TET3: variants seen among roughly 807,000 people sequenced by gnomAD.
TET3 encodes the protein tet methylcytosine dioxygenase 3.
Under a neutral mutation model 141.4 loss-of-function variants are expected in TET3, and 19 were observed. The observed-to-expected ratio is 0.13, with a 90% CI of 0.09 to 0.20. The LOEUF (loss-of-function observed/expected upper bound fraction) is 0.20. Ranked by LOEUF, TET3 falls within the 10% of genes least tolerant of loss-of-function variation. The pLI, the probability that TET3 is intolerant of heterozygous loss-of-function variation, is 1.00. For synonymous variants in TET3, 1,043 were observed against 980.9 expected (o/e 1.06, Z -1.18); for missense variants, 1,874 against 2,356.9 (o/e 0.80, Z 4.24).
At chr2:74,129,580 A>C in the TET3 span, among the ~76,000 whole-genome samples, 25 of 152,018 alleles carry the variant, frequency 1.6e-4, no homozygotes, top group African/African-American at 6.0e-4. Context: ...ATAGTGAGCC[A>C]AGATCGCACC....
chr2:74,052,392 C>T (rs1483300881), intron 4 of TET3, among the ~76,000 whole-genome samples: 1 of 152,090 alleles, frequency 6.6e-6, no homozygotes, highest in African/African-American at 2.4e-5. Context: ...TCCCATACTC[C>T]AGAAATTCAT....
chr2:74,100,883 GGA>G lies in TET3; in HGVS notation c.4097_4098del (p.Glu1366ValfsTer42). The part of the protein sequence containing the change: ...HQQPAYPGPK[E>X]YLLPKAPLLH... ...AGCAGCCTGCGTACCCAGGCCCCAA[GGA>G]GTATCTGCTTCCCAAGGCCCCCCTA... On this transcript the variant is annotated frameshift_variant, in exon 12 of 12. Coordinates refer to ENST00000409262, the MANE Select transcript of TET3 (RefSeq NM_001287491.2). LOFTEE classifies it high-confidence loss of function. 1 of 1,610,450 alleles carries G rather than the reference GGA, an allele frequency of 6.2e-7. No individual in the cohort carries two copies. Among genetic ancestry groups the G allele is most frequent in the Non-Finnish European group, 8.5e-7 (1 of 1,178,488 alleles).
chr2:74,073,961 T>G, intron 5 of TET3: 1 of 186,530 alleles, frequency 5.4e-6, no homozygotes, highest in Non-Finnish European at 1.1e-5. Context: ...TGTGGTATCA[T>G]TAAAAGTGTT....
intron 5 of TET3, among the ~76,000 whole-genome samples, chr2:74,074,872 T>G (rs913017920): frequency 1.5e-5 from 2 of 136,378 alleles, no homozygotes. Flanking sequence ...TTTGTTTGTT[T>G]GTTTTGTTTG....
At chr2:74,053,846 C>T (rs1452559325) in intron 4 of TET3, among the ~76,000 whole-genome samples, 1 of 152,142 alleles carries the variant, frequency 6.6e-6, no homozygotes, top group African/African-American at 2.4e-5. Context: ...ACCCCCCACC[C>T]CACTGCATTG....
intron 4 of TET3, among the ~76,000 whole-genome samples, chr2:74,058,054 G>C (rs1489694801): frequency 1.3e-5 from 2 of 152,074 alleles, no homozygotes; most frequent in Non-Finnish European, 1.5e-5. Flanking sequence ...TGAAAGATGA[G>C]GTGCTAAGTT....
Position 74,005,022 on chromosome 2 carries a change from C to G in TET3, c.360+1856C>G, listed in dbSNP as rs1685078606. ...AGCCTTGTCAGCCTAGAGCTTCCCT[C>G]TCTGCTGGGAGAAAGGACGGGCTGG... On this transcript the variant is annotated intron_variant, in intron 3 of 11. Coordinates refer to ENST00000409262, the MANE Select transcript of TET3 (RefSeq NM_001287491.2). Among the ~76,000 whole-genome samples the G allele has an allele frequency of 2.6e-5, 4 of 152,310 alleles. 1 individual carries two copies. In the South Asian group the frequency reaches 8.3e-4, roughly 32 times the overall value.
intron 3 of TET3, among the ~76,000 whole-genome samples, chr2:74,041,146 C>T (rs1182055118): frequency 2.0e-5 from 3 of 152,156 alleles, no homozygotes; most frequent in African/African-American, 7.2e-5. Flanking sequence ...GGACTGGTTT[C>T]AGTGCATTTT....
intron 5 of TET3, among the ~76,000 whole-genome samples, chr2:74,074,687 G>C (rs1196357229): frequency 1.3e-5 from 2 of 152,198 alleles, no homozygotes; most frequent in African/African-American, 4.8e-5. Flanking sequence ...GCAAAATAGA[G>C]ATGCTGATAA....
In TET3 at chr2:74,000,707, G is replaced by A. The variant is rs536065721; in HGVS notation, c.304-2403G>A. On this transcript the variant is annotated intron_variant, in intron 2 of 11. Coordinates refer to ENST00000409262, the MANE Select transcript of TET3 (RefSeq NM_001287491.2). ...CAGACAGAACTTAGAGAATTGGAAA[G>A]AGAAGGACCTAGATTTGAATTCTAG... Among the ~76,000 whole-genome samples, 5 of 152,298 alleles carry A rather than the reference G, an allele frequency of 3.3e-5. No homozygotes were observed. In the South Asian group the frequency reaches 8.3e-4, roughly 25 times the overall value.
chr2:74,037,951 G>A lies in TET3; in HGVS notation c.361-8327G>A, dbSNP rs1386571132. Among the ~76,000 whole-genome samples, 7 of 152,220 alleles carry A rather than the reference G, an allele frequency of 4.6e-5. No individual in the cohort carries two copies. In the East Asian group the frequency reaches 1.3e-3, roughly 29 times the overall value. ...GTGTTGTTGACTGAACGAGGTGTTT[G>A]GGGAGTGGCGTTCCACACTTTTCCA... On this transcript the variant is annotated intron_variant, in intron 3 of 11. Coordinates refer to ENST00000409262, the MANE Select transcript of TET3 (RefSeq NM_001287491.2).
rs1573892799 is a variant in TET3, at chr2:74,088,005, A to G, written c.2855A>G (p.Asn952Ser). 1 of 1,562,760 alleles carries G rather than the reference A, an allele frequency of 6.4e-7. No homozygotes were observed. Residue 952 changes from asparagine (N) to serine (S), a missense_variant, in exon 7 of 12, where the codon AAC (asparagine) becomes AGC (serine). Coordinates refer to ENST00000409262, the MANE Select transcript of TET3 (RefSeq NM_001287491.2). The stretch of plus-strand genomic sequence containing the variant: ...ACCGACACCCTCCGGAAGTATGGGA[A>G]CCCCACCAGCCGGAGATGCGGCCTC... ...ELTDTLRKYG[N>S]PTSRRCGLND...
intron 3 of TET3, among the ~76,000 whole-genome samples, chr2:74,019,260 T>C (rs550485721): frequency 2.0e-5 from 3 of 152,236 alleles, no homozygotes; most frequent in African/African-American, 7.2e-5. Flanking sequence ...CTGTCTCTAA[T>C]AAAAACCAAA....
intron 4 of TET3, among the ~76,000 whole-genome samples, chr2:74,073,269 C>T (rs556506435): frequency 3.4e-4 from 52 of 152,232 alleles, no homozygotes; most frequent in African/African-American, 1.1e-3. Flanking sequence ...TAATGGTAGG[C>T]GGAATCCCAA....
At chr2:74,015,337 TTAAA>T (rs1685673835) in intron 3 of TET3, among the ~76,000 whole-genome samples, 1 of 152,154 alleles carries the variant, frequency 6.6e-6, no homozygotes, top group Non-Finnish European at 1.5e-5. Flanking sequence ...GTACGCCCAT[TTAAA>T]TAAATCAATA....
chr2:74,046,870 C>T lies in TET3; in HGVS notation c.953C>T (p.Pro318Leu). Reference sequence around the variant, plus strand: ...CCTGGTGAGGCCGGCCTCCCAGCACCAAGCACCAGGCCACTCCTCAGCTCA... The same window carrying T: ...CCTGGTGAGGCCGGCCTCCCAGCACTAAGCACCAGGCCACTCCTCAGCTCA... Reference protein sequence around the residue: ...LPPGEAGLPAPSTRPLLSSEV... With the variant: ...LPPGEAGLPALSTRPLLSSEV... The change falls in exon 4 of 12, where the codon CCA (proline) becomes CTA (leucine). Residue 318 changes from proline to leucine, a missense_variant. By Grantham distance (98) the Pro-to-Leu change is moderately conservative. Around this residue, in one of 10 missense-constraint regions of TET3, gnomAD observed 366 missense variants for 487.0 expected, o/e 0.75. Transcript: ENST00000409262. This position sits in a 1 kb window ranked among gnomAD's most constrained non-coding sequence, Gnocchi z 4.3. 4 of 1,613,638 alleles carry T rather than the reference C, an allele frequency of 2.5e-6. No individual in the cohort carries two copies. The highest frequency in any genetic ancestry group is 3.4e-6 in the Non-Finnish European group (4 of 1,179,872).
intron 4 of TET3, among the ~76,000 whole-genome samples, chr2:74,060,308 C>T (rs1027514903): frequency 3.3e-5 from 5 of 152,076 alleles, no homozygotes; most frequent in Admixed American, 1.3e-4. Context: ...GTTCAAGTTC[C>T]GGTTCAAGTC....
chr2:74,079,548 T>C (rs1573871255), intron 5 of TET3, among the ~76,000 whole-genome samples: 1 of 152,362 alleles, frequency 6.6e-6, no homozygotes, highest in Non-Finnish European at 1.5e-5. Flanking sequence ...TACTGTTTAT[T>C]GGACTCTTTC....
intron 4 of TET3, among the ~76,000 whole-genome samples, chr2:74,068,427 A>G (rs1397607955): frequency 7.2e-5 from 11 of 152,104 alleles, no homozygotes. Context: ...GTAAATCTGA[A>G]GCTACTTAAT....
Sources: allele counts gnomAD v4.1 joint callset (sites outside exome capture counted in the v4.1 genomes callset), GRCh38; gene constraint gnomAD v4.1.1; regional missense constraint gnomAD v4.1.1; non-coding constraint Gnocchi (gnomAD v3.1); transcripts MANE v1.5; gene names NCBI Gene and HGNC (gene_info 2026-07-23, HGNC 2026-07-21).